Variants in KLHDC2 observed in about 807,000 individuals in gnomAD.
KLHDC2 encodes kelch domain containing 2.
A neutral mutation model predicts 62.3 loss-of-function variants in KLHDC2; 38 were observed. That is an observed-to-expected ratio of 0.61 (90% CI 0.47 to 0.80). The LOEUF (loss-of-function observed/expected upper bound fraction) is 0.80. Ranked by LOEUF, KLHDC2 falls within the 30% of genes least tolerant of loss-of-function variation. KLHDC2 has a pLI of 0.00. For synonymous variants in KLHDC2, 159 were observed against 161.0 expected (o/e 0.99, Z 0.09); for missense variants, 430 against 495.3 (o/e 0.87, Z 1.25).
Position 49,774,968 on chromosome 14 carries a change from A to T in KLHDC2, c.351+290A>T, listed in dbSNP as rs991550280. ...CTCTTAGAACCTTAAATGTTAGATG[A>T]ACATTAGTAATAAAATTGCAGACAA... On this transcript the variant is annotated intron_variant, in intron 3 of 12. Transcript: ENST00000298307. 1.0e-5 allele frequency: 3 copies of T among 296,000 alleles called. No homozygotes were observed. In the Admixed American group the frequency reaches 1.5e-4, roughly 15 times the overall value. 18.3% of individuals were successfully genotyped at this position (296,000 alleles called of 1,614,324 possible).
At chr14:49,778,870 C>G (rs1167568910) in intron 6 of KLHDC2, among the ~76,000 whole-genome samples, 1 of 151,864 alleles carries the variant, frequency 6.6e-6, no homozygotes, top group African/African-American at 2.4e-5. Flanking sequence ...ATTACAGATG[C>G]CCGCAACCAC....
In KLHDC2 at chr14:49,778,176, A is replaced by G; in HGVS notation, c.468-2A>G. On this transcript the variant is annotated splice_acceptor_variant, in intron 4 of 12. Transcript: ENST00000298307. LOFTEE classifies it high-confidence loss of function. ...TTAGTGTCTTGGTTTTTCATCCAACAGGTTAATATTTTTTGGAGGGTATGG... is the reference window on the plus strand; with the variant it reads ...TTAGTGTCTTGGTTTTTCATCCAACGGGTTAATATTTTTTGGAGGGTATGG... 1 of 1,588,162 alleles carries G rather than the reference A, an allele frequency of 6.3e-7. No homozygotes were observed. The highest frequency in any genetic ancestry group is 8.6e-7 in the Non-Finnish European group (1 of 1,163,470).
chr14:49,785,350 C>T lies in KLHDC2; in HGVS notation c.*2397C>T. ...AAAGGGAAAATAACAGTTACAAAGG[C>T]AATTTATACCGCCCTTTACAAAAAA... On this transcript the variant is annotated 3_prime_UTR_variant, in exon 13 of 13. Coordinates refer to ENST00000298307, the MANE Select transcript of KLHDC2 (RefSeq NM_014315.3). The T allele has an allele frequency of 6.9e-7, 1 of 1,441,102 alleles. No individual in the cohort carries two copies. The allele number at this position is 1,441,102 out of a possible 1,614,324, so 89.3% of individuals were successfully genotyped here. A position where few individuals can be genotyped will look rare whatever the true frequency, so the allele number is the denominator to read the frequency against.
chr14:49,785,183 T>A lies in KLHDC2; in HGVS notation c.*2230T>A. ...TTACTAAATAGACGTTACAAAACAATTCACAAAAGCCATTCTGTCAACTAA... is the reference window on the plus strand; with the variant it reads ...TTACTAAATAGACGTTACAAAACAAATCACAAAAGCCATTCTGTCAACTAA... On this transcript the variant is annotated 3_prime_UTR_variant, in exon 13 of 13. Coordinates refer to ENST00000298307, the MANE Select transcript of KLHDC2 (RefSeq NM_014315.3). The A allele has an allele frequency of 6.2e-7, 1 of 1,604,800 alleles. No homozygotes were observed. Among genetic ancestry groups the A allele is most frequent in the South Asian group, 1.1e-5 (1 of 90,880 alleles).
intron 6 of KLHDC2, among the ~76,000 whole-genome samples, chr14:49,778,770 C>CTGG (rs1889824934): frequency 3.3e-5 from 5 of 150,838 alleles, no homozygotes; most frequent in Admixed American, 3.3e-4. Flanking sequence ...GTTGCCTGGG[C>CTGG]TGGAGTGCAG....
At chr14:49,775,673 C>G (rs1352283546) in intron 3 of KLHDC2, among the ~76,000 whole-genome samples, 1 of 126,374 alleles carries the variant, frequency 7.9e-6, no homozygotes, top group Non-Finnish European at 1.6e-5. Context: ...GTCGCCCAGG[C>G]TGGAGTGCAG....
chr14:49,768,762 G>A (rs1889598379), intron 1 of KLHDC2, 141 bp downstream of exon 1: 4 of 773,674 alleles, frequency 5.2e-6, no homozygotes, highest in Non-Finnish European at 7.6e-6. Context: ...TCTGCCCGTT[G>A]GTTGTTTTTT....
intron 3 of KLHDC2, among the ~76,000 whole-genome samples, chr14:49,776,833 T>C (rs1889782695): frequency 6.2e-5 from 1 of 16,256 alleles, no homozygotes; most frequent in African/African-American, 1.0e-4. Context: ...GTACAAGAAT[T>C]GCTTGAACCC....
intron 10 of KLHDC2, among the ~76,000 whole-genome samples, chr14:49,781,721 G>GA (rs1182971644): frequency 2.0e-5 from 3 of 151,344 alleles, no homozygotes; most frequent in Admixed American, 2.0e-4. Context: ...AATACATGGG[G>GA]AAAAAACAAG....
Position 49,785,161 on chromosome 14 carries a change from C to A in KLHDC2, c.*2208C>A, listed in dbSNP as rs1000419891. The A allele has an allele frequency of 6.2e-7, 1 of 1,600,430 alleles. No homozygotes were observed. Among genetic ancestry groups the A allele is most frequent in the African/African-American group, 1.3e-5 (1 of 74,704 alleles). ...CTTTAAAAAGGAATTACATGTGTTA[C>A]TAAATAGACGTTACAAAACAATTCA... is the stretch of plus-strand genomic sequence containing the variant. On this transcript the variant is annotated 3_prime_UTR_variant, in exon 13 of 13. Transcript: ENST00000298307.
chr14:49,779,159 C>CA (rs1388687207), intron 6 of KLHDC2, among the ~76,000 whole-genome samples: 8 of 152,118 alleles, frequency 5.3e-5, no homozygotes, highest in Non-Finnish European at 1.2e-4. Context: ...TGTTGGCACT[C>CA]AAATTTTCAG....
intron 2 of KLHDC2, among the ~76,000 whole-genome samples, chr14:49,773,726 G>A (rs573725302): frequency 1.3e-5 from 2 of 151,632 alleles, no homozygotes; most frequent in Admixed American, 6.6e-5. Flanking sequence ...ACAGGCGCCC[G>A]CCACCACGCC....
rs769040447 is a variant in KLHDC2 at position 49,778,466 on chromosome 14, C to T, written c.605C>T (p.Thr202Ile). Residue 202 changes from threonine (T) to isoleucine (I), a missense_variant, in exon 6 of 13, where the codon ACA becomes ATA. Thr to Ile is a moderately conservative substitution (Grantham distance 89). Transcript: ENST00000298307. ...CATGTACATATTTTAGATACTGAAACATTTACCTGGAGCCAGCCTATAACT... is the reference window on the plus strand; with the variant it reads ...CATGTACATATTTTAGATACTGAAATATTTACCTGGAGCCAGCCTATAACT... ...NDHVHILDTETFTWSQPITTG... is the reference protein window; with the variant it reads ...NDHVHILDTEIFTWSQPITTG... 4.8e-6 allele frequency: 7 copies of T among 1,461,188 alleles called. No homozygotes were observed. The highest frequency in any genetic ancestry group is 2.3e-5 in the South Asian group (2 of 88,860). 90.5% of individuals were successfully genotyped at this position (1,461,188 alleles called of 1,614,324 possible). A position where few individuals can be genotyped will look rare whatever the true frequency, so the allele number is the denominator to read the frequency against.
chr14:49,769,592 A>G (rs1889618385), intron 1 of KLHDC2, among the ~76,000 whole-genome samples: 1 of 152,138 alleles, frequency 6.6e-6, no homozygotes, highest in Non-Finnish European at 1.5e-5. Flanking sequence ...TTTTTTGCCA[A>G]TCCTAATGAA....
intron 12 of KLHDC2, 60 bp from the exon 13 acceptor site, chr14:49,782,770 G>GTGAA (rs1461444138): frequency 1.3e-6 from 2 of 1,566,394 alleles, no homozygotes; most frequent in Admixed American, 1.9e-5. Flanking sequence ...AGTTTTTCAA[G>GTGAA]TGAATGTACT....
Position 49,774,681 on chromosome 14 carries a change from T to A in KLHDC2, c.351+3T>A. 6.5e-7 allele frequency: 1 copy of A among 1,534,348 alleles called. No individual in the cohort carries two copies. The highest frequency in any genetic ancestry group is 9.0e-7 in the Non-Finnish European group (1 of 1,107,054). ...ATTCAAGAGGCAATACCAATAAGGT[T>A]AGTGTTTCTAAGGATTATGGCTTGA... On this transcript the variant is annotated splice_donor_region_variant and intron_variant, in intron 3 of 12. Coordinates refer to ENST00000298307, the MANE Select transcript of KLHDC2 (RefSeq NM_014315.3).
intron 3 of KLHDC2, among the ~76,000 whole-genome samples, chr14:49,775,460 ATAACTCAG>A (rs1370337858): frequency 1.3e-5 from 2 of 152,206 alleles, no homozygotes; most frequent in Admixed American, 6.5e-5. Flanking sequence ...CATATAGAAA[ATAACTCAG>A]TAAGTATTGT....
intron 3 of KLHDC2, among the ~76,000 whole-genome samples, chr14:49,776,222 G>A (rs1037928318): frequency 6.6e-6 from 1 of 152,142 alleles, no homozygotes; most frequent in African/African-American, 2.4e-5. Context: ...ATGTATTTCA[G>A]AGCCAAGGGG....
Position 49,785,411 on chromosome 14 carries a change from T to A in KLHDC2, c.*2458T>A. On this transcript the variant is annotated 3_prime_UTR_variant, in exon 13 of 13. Transcript: ENST00000298307. ...CTTGAATTAGTATCTCAACATATTT[T>A]TTATCTTTTCCTGATATACATACCA... 1 of 857,630 alleles carries A rather than the reference T, an allele frequency of 1.2e-6. No individual in the cohort carries two copies. Among genetic ancestry groups the A allele is most frequent in the Non-Finnish European group, 2.0e-6 (1 of 508,536 alleles). 53.1% of individuals were successfully genotyped at this position (857,630 alleles called of 1,614,324 possible). A position where few individuals can be genotyped will look rare whatever the true frequency, so the allele number is the denominator to read the frequency against.
Sources: allele counts gnomAD v4.1 joint callset (sites outside exome capture counted in the v4.1 genomes callset), GRCh38; gene constraint gnomAD v4.1.1; transcripts MANE v1.5; gene names NCBI Gene and HGNC (gene_info 2026-07-23, HGNC 2026-07-21).